ZNF16: variants seen among roughly 807,000 people sequenced by gnomAD.
ZNF16 encodes the protein zinc finger protein KOX9.
A neutral mutation model predicts 9.0 loss-of-function variants in ZNF16; 7 were observed. The ratio of observed to expected loss-of-function variants is 0.78; its 90% CI spans 0.44 to 1.47. The LOEUF is 1.47. Among genes scored for constraint, ZNF16 ranks in the 40% most tolerant of loss-of-function variants. ZNF16 has a pLI of 0.01. For missense variants in ZNF16, 830 were observed against 854.2 expected (o/e 0.97, Z 0.35); for synonymous variants, 312 against 301.5 (o/e 1.03, Z -0.36).
At chr8:144,938,673 T>C (rs1455196216) in intron 2 of ZNF16, among the ~76,000 whole-genome samples, 1 of 152,260 alleles carries the variant, frequency 6.6e-6, no homozygotes, top group Admixed American at 6.5e-5. Context: ...TGGGATTTCA[T>C]ATATACGGAT....
intron 2 of ZNF16, among the ~76,000 whole-genome samples, chr8:144,943,349 T>C (rs981833400): frequency 1.3e-5 from 2 of 151,830 alleles, no homozygotes; most frequent in Non-Finnish European, 1.5e-5. Context: ...ACTCAGTTTG[T>C]TGAACTGCTT....
intron 1 of ZNF16, among the ~76,000 whole-genome samples, chr8:144,947,650 G>A (rs1833996976): frequency 6.6e-6 from 1 of 152,168 alleles, no homozygotes; most frequent in African/African-American, 2.4e-5. Flanking sequence ...ACTTGCACCA[G>A]CTACTCCCTC....
At chr8:144,945,799 T>G in intron 2 of ZNF16, 1 of 945,628 alleles carries the variant, frequency 1.1e-6, no homozygotes, top group Non-Finnish European at 1.5e-6. Flanking sequence ...CCTCTTCGTG[T>G]CAAGTGGGGA....
chr8:144,932,645 A>G lies in ZNF16; in HGVS notation c.197-55T>C. On this transcript the variant is annotated intron_variant, in intron 2 of 2. Coordinates refer to ENST00000394909, the MANE Select transcript of ZNF16 (RefSeq NM_006958.3). This position sits in a 1 kb window ranked among gnomAD's most constrained non-coding sequence, Gnocchi z 5.0. ...AGGCAGTGCTGCAGCAGGAGCAGGA[A>G]CATAGACAGTCACAGTTGCACCCAC... The G allele has an allele frequency of 1.3e-6, 2 of 1,563,270 alleles. No homozygotes were observed. The highest frequency in any genetic ancestry group is 8.7e-7 in the Non-Finnish European group (1 of 1,152,872).
At chr8:144,943,612 T>G (rs1055585888) in intron 2 of ZNF16, among the ~76,000 whole-genome samples, 2 of 152,072 alleles carry the variant, frequency 1.3e-5, no homozygotes, top group Non-Finnish European at 2.9e-5. Flanking sequence ...CTCCGCCTCC[T>G]GGGTTCAAGC....
chr8:144,950,592 C>G (rs969749991), intron 1 of ZNF16: 1 of 151,894 alleles, frequency 6.6e-6, no homozygotes, highest in Non-Finnish European at 1.5e-5. Flanking sequence ...CCCCCAGAGG[C>G]TCTGACCTCC....
rs1833502800 is a variant in ZNF16, at chr8:144,930,748, G to C, written c.2039C>G (p.Thr680Ser). The C allele has an allele frequency of 6.5e-7, 1 of 1,527,722 alleles. No homozygotes were observed. Among genetic ancestry groups the C allele is most frequent in the Non-Finnish European group, 8.8e-7 (1 of 1,140,150 alleles). The allele number at this position is 1,527,722 out of a possible 1,614,324, so 94.6% of individuals were successfully genotyped here. ...SKLIKHQLIH[T>S]RE ...TGCCAGCCCAACAGCCTATTCCCTG[G>C]TGTGAATCAACTGGTGTTTGATCAA... The change falls in exon 3 of 3, where the codon ACC (threonine) becomes AGC (serine). Residue 680 changes from threonine to serine, a missense_variant. Physicochemically the swap from Thr to Ser is moderately conservative, Grantham distance 58 (BLOSUM62 1). Transcript: ENST00000394909.
At chr8:144,950,276 T>C (rs1834075802) in intron 1 of ZNF16, 1 of 152,192 alleles carries the variant, frequency 6.6e-6, no homozygotes, top group Admixed American at 6.5e-5. Flanking sequence ...TAATAATCAA[T>C]AAAAACTAAG....
intron 1 of ZNF16, among the ~76,000 whole-genome samples, chr8:144,947,361 C>A (rs1401984201): frequency 7.0e-6 from 1 of 143,226 alleles, no homozygotes; most frequent in African/African-American, 2.6e-5. Flanking sequence ...GTTGTGGGGC[C>A]TGTATCCTGC....
chr8:144,942,144 AT>A (rs1398230468), intron 2 of ZNF16, among the ~76,000 whole-genome samples: 1 of 145,392 alleles, frequency 6.9e-6, no homozygotes, highest in Non-Finnish European at 1.5e-5. Context: ...TGCCTGGCTA[AT>A]TTTTTTGTAT....
rs1833596882 is a variant in ZNF16, at chr8:144,933,088, C to T, written c.197-498G>A. Among the ~76,000 whole-genome samples, 1 of 152,200 alleles carries T rather than the reference C, an allele frequency of 6.6e-6. No homozygotes were observed. The highest frequency in any genetic ancestry group is 2.4e-5 in the African/African-American group (1 of 41,442). On this transcript the variant is annotated intron_variant, in intron 2 of 2. Coordinates refer to ENST00000394909, the MANE Select transcript of ZNF16 (RefSeq NM_006958.3). The surrounding 1 kb of genome is among the most constrained non-coding windows in gnomAD (Gnocchi z 5.6). ...ACTGCCAGGTGTGAGCCTTACCAGCCTATCTCCAGTTCTGTCAGTGCATGC... is the reference window on the plus strand; with the variant it reads ...ACTGCCAGGTGTGAGCCTTACCAGCTTATCTCCAGTTCTGTCAGTGCATGC...
At chr8:144,949,435 A>G (rs1474800238) in intron 1 of ZNF16, among the ~76,000 whole-genome samples, 2 of 152,234 alleles carry the variant, frequency 1.3e-5, no homozygotes, top group Admixed American at 6.5e-5. Context: ...ACCCCATCGC[A>G]CTGCTGCCCC....
intron 2 of ZNF16, among the ~76,000 whole-genome samples, chr8:144,937,553 C>A (rs184993954): frequency 6.6e-6 from 1 of 152,066 alleles, no homozygotes; most frequent in African/African-American, 2.4e-5. Flanking sequence ...GAATCCACTG[C>A]CAAATCCAAG....
At position 144,930,740 on chromosome 8, in the gene ZNF16, A is replaced by AT; in HGVS notation, c.2046dup (p.Ter683IlefsTer46). ...TTCACTCCTGCCAGCCCAACAGCCT[A>AT]TTCCCTGGTGTGAATCAACTGGTGT... On this transcript the variant is annotated frameshift_variant, in exon 3 of 3. Transcript: ENST00000394909. LOFTEE classifies it high-confidence loss of function. 2.6e-6 allele frequency: 4 copies of AT among 1,523,226 alleles called. No individual in the cohort carries two copies. Among genetic ancestry groups the AT allele is most frequent in the Non-Finnish European group, 3.5e-6 (4 of 1,137,740 alleles). The allele number at this position is 1,523,226 out of a possible 1,614,324, so 94.4% of individuals were successfully genotyped here.
intron 1 of ZNF16, 124 bp from the exon 2 acceptor site, chr8:144,946,339 G>T: frequency 1.1e-6 from 1 of 938,154 alleles, no homozygotes; most frequent in Non-Finnish European, 1.5e-6. Context: ...GCCTGGTGCT[G>T]CCAGGTCTCA....
intron 1 of ZNF16, chr8:144,950,568 C>T (rs948424007): frequency 2.0e-5 from 3 of 152,152 alleles, no homozygotes; most frequent in Admixed American, 1.3e-4. Flanking sequence ...CCGGAGACCC[C>T]CTACCGGAGG....
At chr8:144,948,174 T>C (rs1457353370) in intron 1 of ZNF16, 2 of 152,238 alleles carry the variant, frequency 1.3e-5, no homozygotes, top group African/African-American at 4.8e-5. Flanking sequence ...GGCAAGGAGA[T>C]ATGAACAGAG....
intron 2 of ZNF16, among the ~76,000 whole-genome samples, chr8:144,940,701 G>C (rs1833779187): frequency 6.6e-6 from 1 of 152,156 alleles, no homozygotes; most frequent in Non-Finnish European, 1.5e-5. Flanking sequence ...TTCTGTCTTA[G>C]CCCATTTGGG....
chr8:144,936,699 A>T (rs1304095492), intron 2 of ZNF16, among the ~76,000 whole-genome samples: 1 of 150,606 alleles, frequency 6.6e-6, no homozygotes, highest in Non-Finnish European at 1.5e-5. Flanking sequence ...AGAAATGTTT[A>T]TTCAAGTTCT....
Sources: gnomAD v4.1 joint callset for allele counts (sites outside exome capture counted in the v4.1 genomes callset) on GRCh38, gnomAD v4.1.1 for gene constraint, Gnocchi (gnomAD v3.1) non-coding constraint, MANE v1.5 for transcripts, NCBI Gene and HGNC (gene_info 2026-07-23, HGNC 2026-07-21) for gene names.